MTM1: variants seen among roughly 807,000 people sequenced by gnomAD.
MTM1 encodes the protein myotubularin 1, also known as myotubularin.
MTM1 carries 9 observed loss-of-function variants against 52.1 expected under a neutral mutation model. The observed-to-expected ratio is 0.17, with a 90% CI of 0.10 to 0.30. The LOEUF (loss-of-function observed/expected upper bound fraction) is 0.30, where lower values mean the gene tolerates loss of function less well. MTM1 is among the 10% of genes least tolerant of loss of function. The pLI is 1.00. For synonymous variants in MTM1, 136 were observed against 163.8 expected (o/e 0.83, Z 1.29); for missense variants, 277 against 470.7 (o/e 0.59, Z 3.81).
intron 6 of MTM1, among the ~76,000 whole-genome samples, chrX:150,629,234 G>A: frequency 8.9e-6 from 1 of 111,901 alleles, no homozygotes. Context: ...ACTCAGTGGA[G>A]TTGAGTGTAG....
chrX:150,668,586 TC>T (rs2040342325), intron 14 of MTM1, among the ~76,000 whole-genome samples: 1 of 109,959 alleles, frequency 9.1e-6, no homozygotes, highest in African/African-American at 3.3e-5. Context: ...ATGCTTGCAG[TC>T]CTAGCTACTT....
intron 1 of MTM1, among the ~76,000 whole-genome samples, chrX:150,588,189 A>G (rs1055804998): frequency 2.7e-5 from 3 of 112,383 alleles, no homozygotes; most frequent in Non-Finnish European, 3.8e-5. Flanking sequence ...GTATGTTTCC[A>G]TAAGCAGCAT....
chrX:150,670,416 C>T (rs1483848271), intron 14 of MTM1, among the ~76,000 whole-genome samples: 1 of 111,997 alleles, frequency 8.9e-6, no homozygotes, highest in Non-Finnish European at 1.9e-5. Context: ...TGGAGGCACA[C>T]AGAAGGTGAG....
intron 9 of MTM1, among the ~76,000 whole-genome samples, chrX:150,646,539 A>T (rs1485975110): frequency 1.8e-5 from 2 of 112,399 alleles, no homozygotes; most frequent in Admixed American, 9.4e-5. Context: ...TTGCTCTACT[A>T]AATGGCCCCA....
At chrX:150,593,137 G>A (rs1557412536) in intron 2 of MTM1, among the ~76,000 whole-genome samples, 1 of 112,353 alleles carries the variant, frequency 8.9e-6, no homozygotes, top group Non-Finnish European at 1.9e-5. Flanking sequence ...GAGCTACCAC[G>A]CCGGCCCAGA....
At chrX:150,635,227 T>C (rs2148481547) in intron 6 of MTM1, among the ~76,000 whole-genome samples, 1 of 112,519 alleles carries the variant, frequency 8.9e-6, no homozygotes, top group African/African-American at 3.2e-5. Context: ...TCTTGAATTT[T>C]CCATAGTCGA....
chrX:150,589,160 G>T (rs1473398212), intron 1 of MTM1, among the ~76,000 whole-genome samples: 4 of 111,353 alleles, frequency 3.6e-5, no homozygotes, highest in Non-Finnish European at 5.7e-5. Context: ...CGTGCAACCT[G>T]GTTTCCTTCC....
chrX:150,605,991 A>T (rs1187788130), intron 4 of MTM1, among the ~76,000 whole-genome samples: 9 of 108,536 alleles, frequency 8.3e-5, no homozygotes, highest in African/African-American at 3.0e-4. Context: ...GGATTCCTGT[A>T]GTATTTTTTC....
In MTM1 at chrX:150,657,128, T is replaced by C. The variant is rs781849902; in HGVS notation, c.1054-693T>C. Among the ~76,000 whole-genome samples, 786 of 110,249 alleles carry C rather than the reference T, an allele frequency of 7.1e-3. 7 individuals are homozygous for C. Among genetic ancestry groups the C allele is most frequent in the African/African-American group, 0.024 (730 of 30,133 alleles). On this transcript the variant is annotated intron_variant, in intron 10 of 14. Coordinates refer to ENST00000370396, the MANE Select transcript of MTM1 (RefSeq NM_000252.3). ...CCCAGCCATCCCATTACTGGGTATA[T>C]ACCCAAAGGATTATAAATCATGCTG... is the stretch of plus-strand genomic sequence containing the variant.
chrX:150,604,426 C>T (rs782007731), intron 4 of MTM1, among the ~76,000 whole-genome samples: 2 of 111,543 alleles, frequency 1.8e-5, no homozygotes, highest in South Asian at 7.6e-4. Context: ...GCCCCAGTTT[C>T]TCTTTCCTTA....
At chrX:150,626,301 GA>G (rs2039568102) in intron 6 of MTM1, among the ~76,000 whole-genome samples, 1 of 111,673 alleles carries the variant, frequency 9.0e-6, no homozygotes, top group African/African-American at 3.3e-5. Context: ...ATTAACATAG[GA>G]TTTTTTTGTT....
chrX:150,627,456 T>C (rs1488241693), intron 6 of MTM1, among the ~76,000 whole-genome samples: 1 of 112,035 alleles, frequency 8.9e-6, no homozygotes, highest in African/African-American at 3.2e-5. Context: ...GAGTTTTTGT[T>C]TGCTAAAATT....
At chrX:150,622,054 C>G (rs1365220979) in intron 6 of MTM1, among the ~76,000 whole-genome samples, 1 of 110,915 alleles carries the variant, frequency 9.0e-6, no homozygotes, top group African/African-American at 3.3e-5. Flanking sequence ...ACACCAAAAC[C>G]TAGAAATCTC....
At chrX:150,639,920 T>C (rs1399081663) in intron 7 of MTM1, among the ~76,000 whole-genome samples, 1 of 112,309 alleles carries the variant, frequency 8.9e-6, no homozygotes, top group Non-Finnish European at 1.9e-5. Context: ...AAAACCTGGA[T>C]TGGTTTCCTT....
At chrX:150,631,278 C>T (rs1158645162) in intron 6 of MTM1, among the ~76,000 whole-genome samples, 1 of 112,396 alleles carries the variant, frequency 8.9e-6, no homozygotes, top group African/African-American at 3.2e-5. Flanking sequence ...CAGCCTCAGG[C>T]CTGCCATGTT....
intron 9 of MTM1, among the ~76,000 whole-genome samples, chrX:150,648,944 T>C (rs1281521381): frequency 8.9e-6 from 1 of 112,603 alleles, no homozygotes; most frequent in Non-Finnish European, 1.9e-5. Context: ...GATAGTTAAC[T>C]AGCGTCTCTG....
chrX:150,616,335 G>A (rs1427130118), intron 5 of MTM1, among the ~76,000 whole-genome samples: 1 of 111,904 alleles, frequency 8.9e-6, no homozygotes, highest in African/African-American at 3.2e-5. Context: ...ACGTCACAGA[G>A]TCATATTCCA....
At position 150,655,196 on chromosome X, in the gene MTM1, G is replaced by T. The variant is rs1490721561; in HGVS notation, c.1054-2625G>T. Reference sequence around the variant, plus strand: ...AAAAATTAGCTGGGCGTGGTGGCGGGTGCCTGTAGTCCCAGCTACTCGGGA... The same window carrying T: ...AAAAATTAGCTGGGCGTGGTGGCGGTTGCCTGTAGTCCCAGCTACTCGGGA... On this transcript the variant is annotated intron_variant, in intron 10 of 14. Coordinates refer to ENST00000370396, the MANE Select transcript of MTM1 (RefSeq NM_000252.3). Among the ~76,000 whole-genome samples the T allele has an allele frequency of 4.6e-5, 5 of 108,716 alleles. No individual in the cohort carries two copies. The Admixed American group carries it at 4.9e-4, about 11-fold the overall frequency. 94.4% of individuals were successfully genotyped at this position (108,716 alleles called of 115,157 possible).
At chrX:150,655,227 A>C (rs1000320606) in intron 10 of MTM1, among the ~76,000 whole-genome samples, 6 of 107,349 alleles carry the variant, frequency 5.6e-5, no homozygotes, top group Non-Finnish European at 9.6e-5. Flanking sequence ...CGGGAGGCTG[A>C]GGCAGGAGAA....
Sources: gnomAD v4.1 joint callset for allele counts (sites outside exome capture counted in the v4.1 genomes callset) on GRCh38, gnomAD v4.1.1 for gene constraint, MANE v1.5 for transcripts, NCBI Gene and HGNC (gene_info 2026-07-23, HGNC 2026-07-21) for gene names.